The following UTP20 variants were observed in gnomAD, a reference collection of about 807,000 sequenced individuals.
UTP20 encodes small subunit processome component 20 homolog.
In UTP20, 164 loss-of-function variants were observed where a neutral mutation model predicts 329.5. That is an observed-to-expected ratio of 0.50 (90% CI 0.44 to 0.57). UTP20 has a LOEUF of 0.57. Among genes scored for constraint, UTP20 ranks in the 20% least tolerant of loss-of-function variants. The pLI is 0.00. For synonymous variants in UTP20, 1,151 were observed against 1,159.3 expected (o/e 0.99, Z 0.14); for missense variants, 3,055 against 3,284.2 (o/e 0.93, Z 1.71).
chr12:101,318,917 T>C (rs1190779734), intron 22 of UTP20, among the ~76,000 whole-genome samples: 1 of 151,616 alleles, frequency 6.6e-6, no homozygotes, highest in East Asian at 1.9e-4. Flanking sequence ...CAAGAAAGTC[T>C]TGTCCACTAA....
In UTP20 at chr12:101,305,933, A is replaced by G. The variant is rs748132761; in HGVS notation, c.1800A>G (p.Pro600=). ...GTTGCAGAACCTTTCCCCTGGAGCC[A>G]TCTGTGTTGCTGTTGACTGATCTCT... is the stretch of plus-strand genomic sequence containing the variant. The part of the protein sequence containing the change: ...KNLVLTFPLE[P]SVLLLTDLYY... The change falls in exon 16 of 62, where the codon CCA becomes CCG. Residue 600 remains proline, a synonymous_variant. Coordinates refer to ENST00000261637, the MANE Select transcript of UTP20 (RefSeq NM_014503.3). 1.2e-6 allele frequency: 2 copies of G among 1,608,102 alleles called. No individual in the cohort carries two copies. Among genetic ancestry groups the G allele is most frequent in the Non-Finnish European group, 1.7e-6 (2 of 1,176,642 alleles).
intron 23 of UTP20, among the ~76,000 whole-genome samples, chr12:101,320,271 C>A (rs1873106459): frequency 1.3e-5 from 2 of 152,078 alleles, no homozygotes; most frequent in African/African-American, 4.8e-5. Context: ...ATCGGCCTCA[C>A]CAGGCTGCAC....
intron 56 of UTP20, among the ~76,000 whole-genome samples, chr12:101,379,164 C>G (rs185758167): frequency 8.5e-5 from 13 of 152,280 alleles, no homozygotes; most frequent in Non-Finnish European, 1.3e-4. Flanking sequence ...CAACACTAAA[C>G]TTATTCCTTC....
At chr12:101,370,602 A>G in intron 50 of UTP20, 39 bp downstream of exon 50, 1 of 1,591,658 alleles carries the variant, frequency 6.3e-7, no homozygotes. Flanking sequence ...ACGGTTTATG[A>G]GTTTCACAGC....
chr12:101,322,558 A>G (rs866840447), intron 25 of UTP20, among the ~76,000 whole-genome samples: 23 of 152,310 alleles, frequency 1.5e-4, no homozygotes, highest in Middle Eastern at 3.4e-3. Flanking sequence ...AATGATGAGA[A>G]TTGGAAAGAT....
intron 7 of UTP20, 145 bp downstream of exon 7, chr12:101,290,419 A>T (rs75142409): frequency 9.8e-7 from 1 of 1,018,176 alleles, no homozygotes; most frequent in Non-Finnish European, 1.4e-6. Flanking sequence ...AACAATGCTT[A>T]CCCAATGTAG....
At chr12:101,344,117 C>G (rs1593441138) in intron 35 of UTP20, among the ~76,000 whole-genome samples, 1 of 152,130 alleles carries the variant, frequency 6.6e-6, no homozygotes, top group Non-Finnish European at 1.5e-5. Flanking sequence ...CTGTTTTATA[C>G]TCATTCTTCA....
chr12:101,291,650 G>A, intron 8 of UTP20, 92 bp from the exon 9 acceptor site: 1 of 1,322,700 alleles, frequency 7.6e-7, no homozygotes. Context: ...GCAAGAGAAT[G>A]GGAAAAGTTG....
intron 21 of UTP20, among the ~76,000 whole-genome samples, chr12:101,316,106 A>G (rs1781562455): frequency 6.6e-6 from 1 of 152,170 alleles, no homozygotes; most frequent in Non-Finnish European, 1.5e-5. Context: ...CAGGCTTTTT[A>G]TTTTTTGGCT....
At chr12:101,353,296 T>C (rs1473947103) in intron 40 of UTP20, among the ~76,000 whole-genome samples, 167 bp downstream of exon 40, 1 of 152,222 alleles carries the variant, frequency 6.6e-6, no homozygotes, top group African/African-American at 2.4e-5. Context: ...TTAAGTATTC[T>C]TGGAAAACTT....
chr12:101,312,612 G>C (rs1037071178), intron 21 of UTP20, among the ~76,000 whole-genome samples: 3 of 152,154 alleles, frequency 2.0e-5, no homozygotes, highest in African/African-American at 4.8e-5. Context: ...GGCTAATTTT[G>C]TATTTTTAGT....
At position 101,383,630 on chromosome 12, in the gene UTP20, C is replaced by T. The variant is rs1443659312; in HGVS notation, c.8017C>T (p.Pro2673Ser). Residue 2673 changes from proline (P) to serine (S), a missense_variant, in exon 60 of 62, where the codon CCT becomes TCT. By Grantham distance (74) the Pro-to-Ser change is moderately conservative. This residue lies in a region of UTP20 where 337 missense variants were observed against 345.5 expected (regional missense o/e 0.98). Transcript: ENST00000261637. ...GCCGTATCTCCCAATGATCATAGCTCCTTTGTTTCGGGAACTCAACAGCAC... is the reference window on the plus strand; with the variant it reads ...GCCGTATCTCCCAATGATCATAGCTTCTTTGTTTCGGGAACTCAACAGCAC... ...VKPYLPMIIA[P>S]LFRELNSTYS... 6.2e-7 allele frequency: 1 copy of T among 1,613,648 alleles called. No homozygotes were observed. The highest frequency in any genetic ancestry group is 1.3e-5 in the African/African-American group (1 of 74,886).
chr12:101,292,031 A>C lies in UTP20; in HGVS notation c.1100A>C (p.Asp367Ala), dbSNP rs1593419019. Residue 367 changes from aspartate (D) to alanine (A), a missense_variant, in exon 10 of 62, where the codon GAT (aspartate) becomes GCT (alanine). Coordinates refer to ENST00000261637, the MANE Select transcript of UTP20 (RefSeq NM_014503.3). ...ACATCTTGCTGGGAGACCCTCTTGG[A>C]TGTAATTTCTGCTTTGATCCTGGGT... is the stretch of plus-strand genomic sequence containing the variant. The part of the protein sequence containing the change: ...LSTSCWETLL[D>A]VISALILGEN... The C allele has an allele frequency of 6.2e-7, 1 of 1,614,162 alleles. No homozygotes were observed. Among genetic ancestry groups the C allele is most frequent in the African/African-American group, 1.3e-5 (1 of 75,044 alleles).
chr12:101,331,707 G>A (rs1203099645), intron 27 of UTP20, among the ~76,000 whole-genome samples: 1 of 152,162 alleles, frequency 6.6e-6, no homozygotes, highest in East Asian at 1.9e-4. Context: ...TTGGCCATAA[G>A]ACTTGATATT....
chr12:101,303,384 G>T (rs865784892), intron 15 of UTP20, among the ~76,000 whole-genome samples: 1 of 152,210 alleles, frequency 6.6e-6, no homozygotes, highest in Non-Finnish European at 1.5e-5. Context: ...GAGATAGGGA[G>T]AGTCCAGAGG....
chr12:101,379,517 C>T lies in UTP20; in HGVS notation c.7543C>T (p.Pro2515Ser), dbSNP rs1383144903. ...AAAGACCAAAAAACACCTCCCAGAACCTGTAGCAATCAAGTTCCTAGCCAG... is the reference window on the plus strand; with the variant it reads ...AAAGACCAAAAAACACCTCCCAGAATCTGTAGCAATCAAGTTCCTAGCCAG... ...TKKTKKHLPE[P>S]VAIKFLASDL... Residue 2515 changes from proline to serine, a missense_variant, in exon 57 of 62, where the codon CCT becomes TCT. Transcript: ENST00000261637. 1.9e-6 allele frequency: 3 copies of T among 1,613,970 alleles called. No individual in the cohort carries two copies. The highest frequency in any genetic ancestry group is 2.7e-5 in the African/African-American group (2 of 75,024).
At chr12:101,296,511 CA>C (rs1872357330) in intron 12 of UTP20, among the ~76,000 whole-genome samples, 1 of 150,594 alleles carries the variant, frequency 6.6e-6, no homozygotes. Flanking sequence ...GTGGAGCTTG[CA>C]GTGAGCCGAG....
chr12:101,373,457 A>G lies in UTP20; in HGVS notation c.6935A>G (p.Asp2312Gly), dbSNP rs1292308588. 6.2e-7 allele frequency: 1 copy of G among 1,614,156 alleles called. No individual in the cohort carries two copies. The highest frequency in any genetic ancestry group is 1.1e-5 in the South Asian group (1 of 91,074). The change falls in exon 53 of 62, where the codon GAC (aspartate) becomes GGC (glycine). Residue 2312 changes from aspartate (D) to glycine (G), a missense_variant. Transcript: ENST00000261637. ...STLEMIAYLF[D>G]TFPQGLLHEN... The stretch of plus-strand genomic sequence containing the variant: ...TTGGAAATGATCGCCTATCTCTTTG[A>G]CACGTTCCCTCAGGTACTGTGACCC...
rs370772574 is a variant in UTP20 at position 101,317,646 on chromosome 12, G to A, written c.2721G>A (p.Thr907=). Residue 907 remains threonine, a synonymous_variant, in exon 22 of 62, where the codon ACG becomes ACA. Transcript: ENST00000261637. The part of the protein sequence containing the change: ...PQDESSQKKK[T]RRAAAKQLIA... ...ATGAATCCTCACAGAAGAAAAAGAC[G>A]AGGAGAGCTGCAGCAAAGTAAGTTC... 44 of 1,610,984 alleles carry A rather than the reference G, an allele frequency of 2.7e-5. No homozygotes were observed. The highest frequency in any genetic ancestry group is 2.5e-4 in the East Asian group (11 of 44,828).
Sources: gnomAD v4.1 joint callset for allele counts (sites outside exome capture counted in the v4.1 genomes callset) on GRCh38, gnomAD v4.1.1 for gene constraint, gnomAD v4.1.1 regional missense constraint, MANE v1.5 for transcripts, NCBI Gene and HGNC (gene_info 2026-07-23, HGNC 2026-07-21) for gene names.